The following ERC2 variants were observed in gnomAD, a reference collection of about 807,000 sequenced individuals.
The protein encoded by ERC2 is ERC protein 2.
In ERC2, 42 loss-of-function variants were observed where a neutral mutation model predicts 114.8. The observed-to-expected ratio is 0.37, with a 90% CI of 0.29 to 0.47. ERC2 has a LOEUF of 0.47. Ranked by LOEUF, ERC2 falls within the 20% of genes least tolerant of loss-of-function variation. The pLI is 0.99. For missense variants in ERC2, 939 were observed against 1,150.7 expected (o/e 0.82, Z 2.66); for synonymous variants, 454 against 425.5 (o/e 1.07, Z -0.82).
intron 14 of ERC2, among the ~76,000 whole-genome samples, chr3:55,836,119 G>C (rs1048920213): frequency 1.5e-4 from 22 of 151,602 alleles, no homozygotes; most frequent in Non-Finnish European, 2.4e-4. Flanking sequence ...CAAACAAATG[G>C]AAGAACATTC....
chr3:55,904,272 C>A (rs2064304928), intron 13 of ERC2, among the ~76,000 whole-genome samples: 1 of 152,018 alleles, frequency 6.6e-6, no homozygotes, highest in East Asian at 1.9e-4. Flanking sequence ...GCCAGAGTAC[C>A]ATAGGTAAAA....
chr3:56,343,098 AC>A (rs2058154607), intron 2 of ERC2, among the ~76,000 whole-genome samples: 3 of 150,900 alleles, frequency 2.0e-5, no homozygotes, highest in African/African-American at 7.3e-5. Flanking sequence ...TTCTCTCTCA[AC>A]CAGGTTCATT....
At chr3:55,972,345 G>A (rs1383810817) in intron 12 of ERC2, among the ~76,000 whole-genome samples, 1 of 152,134 alleles carries the variant, frequency 6.6e-6, no homozygotes, top group Admixed American at 6.5e-5. Flanking sequence ...GTGCCATGGT[G>A]GTTTGCTGCA....
intron 7 of ERC2, among the ~76,000 whole-genome samples, chr3:56,041,016 TG>T (rs2075161145): frequency 6.6e-6 from 1 of 151,976 alleles, no homozygotes. Context: ...ATCAATTTTA[TG>T]ATAATTGCTT....
chr3:56,346,074 T>C (rs961658367), intron 2 of ERC2, among the ~76,000 whole-genome samples: 8 of 152,198 alleles, frequency 5.3e-5, no homozygotes, highest in African/African-American at 1.9e-4. Flanking sequence ...AGGATATGAA[T>C]ATTTTTGAGG....
chr3:55,893,633 C>A (rs764066094), intron 13 of ERC2, among the ~76,000 whole-genome samples: 3 of 152,140 alleles, frequency 2.0e-5, no homozygotes, highest in Non-Finnish European at 2.9e-5. Context: ...AGGCCCTGAC[C>A]TTTTCTCAGT....
chr3:56,211,640 C>T (rs1371362913), intron 3 of ERC2, among the ~76,000 whole-genome samples: 2 of 151,792 alleles, frequency 1.3e-5, no homozygotes, highest in Non-Finnish European at 2.9e-5. Flanking sequence ...CCCACATAGC[C>T]AAAGCAAGAC....
intron 17 of ERC2, among the ~76,000 whole-genome samples, chr3:55,620,966 C>T (rs1353768105): frequency 6.6e-6 from 1 of 152,160 alleles, no homozygotes; most frequent in Non-Finnish European, 1.5e-5. Flanking sequence ...ACCTATGGGG[C>T]TTGTCAAATA....
intron 7 of ERC2, among the ~76,000 whole-genome samples, chr3:56,030,982 C>T (rs893643533): frequency 6.6e-6 from 1 of 152,204 alleles, no homozygotes; most frequent in Non-Finnish European, 1.5e-5. Context: ...TCCGATGAAC[C>T]CTGGCTCCAG....
intron 3 of ERC2, among the ~76,000 whole-genome samples, chr3:56,293,747 A>G (rs1266080099): frequency 6.6e-6 from 1 of 152,196 alleles, no homozygotes; most frequent in Admixed American, 6.5e-5. Flanking sequence ...TGTGCTTTCA[A>G]ACTGGTGTTT....
chr3:55,509,950 G>A lies in ERC2; in HGVS notation c.*1366C>T, dbSNP rs1030800785. ...GGTTTCTTCCATTGACAAGAAAATGGAGCAATACAAGAGTTGCACATGTTT... is the reference window on the plus strand; with the variant it reads ...GGTTTCTTCCATTGACAAGAAAATGAAGCAATACAAGAGTTGCACATGTTT... On this transcript the variant is annotated 3_prime_UTR_variant, in exon 18 of 18. Coordinates refer to ENST00000288221, the MANE Select transcript of ERC2 (RefSeq NM_015576.3). 1 of 152,560 alleles carries A rather than the reference G, an allele frequency of 6.6e-6. No individual in the cohort carries two copies. The highest frequency in any genetic ancestry group is 1.5e-5 in the Non-Finnish European group (1 of 68,020). 9.5% of individuals were successfully genotyped at this position (152,560 alleles called of 1,614,324 possible). A position where few individuals can be genotyped will look rare whatever the true frequency, so the allele number is the denominator to read the frequency against.
At chr3:56,036,474 G>A (rs2074809265) in intron 7 of ERC2, among the ~76,000 whole-genome samples, 1 of 152,180 alleles carries the variant, frequency 6.6e-6, no homozygotes, top group Non-Finnish European at 1.5e-5. Flanking sequence ...AAAACTCTGA[G>A]GGGAGGGACC....
chr3:56,169,827 A>T (rs1487571031), intron 4 of ERC2, among the ~76,000 whole-genome samples: 1 of 150,256 alleles, frequency 6.7e-6, no homozygotes, highest in Non-Finnish European at 1.5e-5. Flanking sequence ...AAAAAAACAA[A>T]TGGCTTTATG....
At chr3:56,322,692 C>T (rs1243244727) in intron 2 of ERC2, among the ~76,000 whole-genome samples, 1 of 152,064 alleles carries the variant, frequency 6.6e-6, no homozygotes, top group Admixed American at 6.5e-5. Context: ...GTCCAGGCTG[C>T]AGCACAAGGA....
At position 55,668,358 on chromosome 3, in the gene ERC2, G is replaced by T. The variant is rs535215404; in HGVS notation, c.*39+15436C>A. Among the ~76,000 whole-genome samples, 14 of 152,340 alleles carry T rather than the reference G, an allele frequency of 9.2e-5. No homozygotes were observed. In the South Asian group the frequency reaches 2.9e-3, roughly 32 times the overall value. On this transcript the variant is annotated intron_variant, in intron 17 of 17. Coordinates refer to ENST00000288221, the MANE Select transcript of ERC2 (RefSeq NM_015576.3). The stretch of plus-strand genomic sequence containing the variant: ...TTCTACCTCTGAGTTGTGTGACCAA[G>T]ATGTAATTTAGCCTCTCCTCTGTAA...
At chr3:56,039,920 T>C (rs1275408051) in intron 7 of ERC2, among the ~76,000 whole-genome samples, 1 of 152,126 alleles carries the variant, frequency 6.6e-6, no homozygotes, top group Admixed American at 6.6e-5. Context: ...ATAAATAATG[T>C]TGGAAAAACT....
chr3:56,340,579 T>TGTG (rs1576500213), intron 2 of ERC2, among the ~76,000 whole-genome samples: 3 of 150,782 alleles, frequency 2.0e-5, no homozygotes, highest in African/African-American at 4.9e-5. Flanking sequence ...TGTGTGTGTG[T>TGTG]TTAATCTCAC....
At chr3:55,806,325 TC>T (rs2059489394) in intron 14 of ERC2, among the ~76,000 whole-genome samples, 1 of 124,692 alleles carries the variant, frequency 8.0e-6, no homozygotes, top group African/African-American at 3.4e-5. Flanking sequence ...CAAAACTCCT[TC>T]TCAAAAAAAA....
intron 2 of ERC2, among the ~76,000 whole-genome samples, chr3:56,371,183 T>C (rs1324062291): frequency 6.6e-6 from 1 of 152,112 alleles, no homozygotes; most frequent in East Asian, 1.9e-4. Context: ...CAAAAGAACA[T>C]AGCCAGACTA....
Sources: allele counts gnomAD v4.1 joint callset (sites outside exome capture counted in the v4.1 genomes callset), GRCh38; gene constraint gnomAD v4.1.1; transcripts MANE v1.5; gene names NCBI Gene and HGNC (gene_info 2026-07-23, HGNC 2026-07-21).